ULK4: variants seen among roughly 807,000 people sequenced by gnomAD.
The protein encoded by ULK4 is inactive serine/threonine-protein kinase ULK4.
ULK4 carries 133 observed loss-of-function variants against 160.6 expected under a neutral mutation model. The ratio of observed to expected loss-of-function variants is 0.83; its 90% CI spans 0.72 to 0.96. ULK4 has a LOEUF of 0.96. Ranked by LOEUF, ULK4 falls within the 40% of genes least tolerant of loss-of-function variation. The pLI, the probability that ULK4 is intolerant of heterozygous loss-of-function variation, is 0.00. For missense variants in ULK4, 1,580 were observed against 1,499.5 expected, an observed-to-expected ratio of 1.05 and a Z score of -0.89; for synonymous variants, 534 against 539.8, an observed-to-expected ratio of 0.99 and a Z score of 0.15.
chr3:41,846,023 T>G (rs2042061373), intron 17 of ULK4, among the ~76,000 whole-genome samples: 1 of 152,182 alleles, frequency 6.6e-6, no homozygotes, highest in African/African-American at 2.4e-5. Context: ...TACAGACCCT[T>G]AAAGTGATAA....
At chr3:41,794,685 A>AAAAAAAAAAAAAAAC (rs1553654846) in intron 20 of ULK4, among the ~76,000 whole-genome samples, 13 of 129,082 alleles carry the variant, frequency 1.0e-4, no homozygotes, top group Non-Finnish European at 1.8e-4. Flanking sequence ...AAAAAAAAAA[A>AAAAAAAAAAAAAAAC]ACACAGAAAA....
intron 31 of ULK4, among the ~76,000 whole-genome samples, chr3:41,611,046 A>C (rs2032650465): frequency 6.6e-6 from 1 of 152,232 alleles, no homozygotes; most frequent in Non-Finnish European, 1.5e-5. Context: ...AGAAAAAATA[A>C]GTCCTCCATC....
intron 30 of ULK4, among the ~76,000 whole-genome samples, chr3:41,625,425 C>T (rs2033457162): frequency 6.6e-6 from 1 of 152,056 alleles, no homozygotes; most frequent in African/African-American, 2.4e-5. Context: ...AGCATAGGTC[C>T]AATTGGTGGA....
intron 35 of ULK4, among the ~76,000 whole-genome samples, chr3:41,339,982 T>C (rs1463429535): frequency 6.6e-6 from 1 of 152,182 alleles, no homozygotes; most frequent in Non-Finnish European, 1.5e-5. Context: ...ATCAGCATAA[T>C]ATTAACCAAA....
At chr3:41,465,396 G>A (rs2083805796) in intron 32 of ULK4, among the ~76,000 whole-genome samples, 1 of 152,090 alleles carries the variant, frequency 6.6e-6, no homozygotes, top group African/African-American at 2.4e-5. Context: ...AACAGATAAA[G>A]ACTCGTTTTT....
intron 32 of ULK4, among the ~76,000 whole-genome samples, chr3:41,501,685 T>A (rs1475481887): frequency 6.6e-6 from 1 of 152,172 alleles, no homozygotes; most frequent in Non-Finnish European, 1.5e-5. Flanking sequence ...TCTACTCTCT[T>A]GGCAACTTTC....
intron 31 of ULK4, among the ~76,000 whole-genome samples, chr3:41,605,384 TA>T (rs957751780): frequency 1.3e-5 from 2 of 151,738 alleles, no homozygotes; most frequent in Non-Finnish European, 2.9e-5. Context: ...TATAAAGGCA[TA>T]AATAGGTTAA....
intron 35 of ULK4, among the ~76,000 whole-genome samples, chr3:41,361,378 C>T (rs986268493): frequency 1.3e-5 from 2 of 152,178 alleles, no homozygotes; most frequent in Non-Finnish European, 1.5e-5. Flanking sequence ...AAAAAATACA[C>T]AAAATTAACA....
chr3:41,486,525 G>T (rs757139169), intron 32 of ULK4, among the ~76,000 whole-genome samples: 1 of 152,118 alleles, frequency 6.6e-6, no homozygotes, highest in East Asian at 1.9e-4. Context: ...AAGACTGAAC[G>T]GTGTCAGGTA....
At chr3:41,254,403 G>C (rs956800498) in intron 35 of ULK4, among the ~76,000 whole-genome samples, 1 of 152,178 alleles carries the variant, frequency 6.6e-6, no homozygotes, top group Admixed American at 6.5e-5. Flanking sequence ...AAGGGTTAAA[G>C]AGGACATTCC....
intron 29 of ULK4, among the ~76,000 whole-genome samples, chr3:41,677,825 G>A (rs1323086999): frequency 1.3e-5 from 2 of 152,114 alleles, no homozygotes; most frequent in Non-Finnish European, 1.5e-5. Flanking sequence ...TTCTGGGTAT[G>A]GCTGTGATGG....
intron 17 of ULK4, among the ~76,000 whole-genome samples, chr3:41,840,366 G>GCCCTCTCCCTCT (rs945242819): frequency 5.7e-4 from 86 of 152,088 alleles, no homozygotes; most frequent in African/African-American, 2.0e-3. Flanking sequence ...CCTCTCCCTT[G>GCCCTCTCCCTCT]CCCTCTCCCT....
chr3:41,689,950 C>T (rs563526040), intron 27 of ULK4, among the ~76,000 whole-genome samples: 1 of 148,576 alleles, frequency 6.7e-6, no homozygotes, highest in African/African-American at 2.6e-5. Flanking sequence ...GGTATATACC[C>T]AAAGGATTAT....
intron 34 of ULK4, among the ~76,000 whole-genome samples, chr3:41,423,192 G>A (rs774022559): frequency 7.2e-5 from 11 of 152,152 alleles, no homozygotes; most frequent in African/African-American, 9.7e-5. Flanking sequence ...AGGATGCAAG[G>A]ACACATGCCA....
At chr3:41,716,209 T>C (rs1420112952) in intron 23 of ULK4, among the ~76,000 whole-genome samples, 1 of 97,472 alleles carries the variant, frequency 1.0e-5, no homozygotes. Flanking sequence ...CAAGACTCTG[T>C]CTCACAAAAT....
intron 16 of ULK4, 30 bp from the exon 17 acceptor site, chr3:41,883,982 A>T (rs1419384653): frequency 6.5e-7 from 1 of 1,531,950 alleles, no homozygotes. Flanking sequence ...AGGCTCTGAA[A>T]AGAAGAGTCG....
intron 32 of ULK4, among the ~76,000 whole-genome samples, chr3:41,482,710 T>A (rs1238357961): frequency 1.3e-5 from 2 of 152,200 alleles, no homozygotes; most frequent in Non-Finnish European, 2.9e-5. Flanking sequence ...CCCTTTTCCC[T>A]TTCTTTCAAT....
At chr3:41,516,488 T>C (rs1394469183) in intron 32 of ULK4, among the ~76,000 whole-genome samples, 11 of 150,642 alleles carry the variant, frequency 7.3e-5, no homozygotes, top group Admixed American at 7.2e-4. Context: ...CACAATGGAG[T>C]ACTATTCAGC....
At chr3:41,296,304 A>G (rs2079666274) in intron 35 of ULK4, among the ~76,000 whole-genome samples, 1 of 151,992 alleles carries the variant, frequency 6.6e-6, no homozygotes, top group Non-Finnish European at 1.5e-5. Context: ...AAAAATACGT[A>G]CCTCGGTTTG....
Sources: gnomAD v4.1 joint callset for allele counts (sites outside exome capture counted in the v4.1 genomes callset) on GRCh38, gnomAD v4.1.1 for gene constraint, MANE v1.5 for transcripts, NCBI Gene and HGNC (gene_info 2026-07-23, HGNC 2026-07-21) for gene names.